TRIT1: variants seen among roughly 807,000 people sequenced by gnomAD.
TRIT1 encodes tRNA isopentenyltransferase 1.
In TRIT1, 43 loss-of-function variants were observed where a neutral mutation model predicts 51.2. That is an observed-to-expected ratio of 0.84 (90% confidence interval 0.66 to 1.08). The LOEUF is 1.08. Ranked by LOEUF, TRIT1 falls within the 50% of genes least tolerant of loss-of-function variation. The pLI is 0.00. For synonymous variants in TRIT1, 184 were observed against 203.9 expected (o/e 0.90, Z 0.83); for missense variants, 528 against 578.4 (o/e 0.91, Z 0.89).
At chr1:39,853,524 T>C (rs975320349) in intron 3 of TRIT1, among the ~76,000 whole-genome samples, 1 of 152,070 alleles carries the variant, frequency 6.6e-6, no homozygotes, top group African/African-American at 2.4e-5. Context: ...GCCTCCCTAG[T>C]AGCTGGGATT....
chr1:39,845,387 C>A (rs1198431082), intron 8 of TRIT1, among the ~76,000 whole-genome samples: 1 of 152,232 alleles, frequency 6.6e-6, no homozygotes, highest in Non-Finnish European at 1.5e-5. Context: ...TATATACACA[C>A]TAAACTGCCT....
intron 1 of TRIT1, among the ~76,000 whole-genome samples, chr1:39,870,457 T>C (rs1011387242): frequency 3.5e-5 from 5 of 143,540 alleles, no homozygotes; most frequent in African/African-American, 1.3e-4. Flanking sequence ...ACTATTGTCC[T>C]ATGACCCTGC....
At chr1:39,850,721 T>C (rs1642511753) in intron 4 of TRIT1, among the ~76,000 whole-genome samples, 1 of 152,190 alleles carries the variant, frequency 6.6e-6, no homozygotes, top group African/African-American at 2.4e-5. Flanking sequence ...AACAGAATGG[T>C]ACTCACTCAC....
intron 2 of TRIT1, among the ~76,000 whole-genome samples, chr1:39,855,787 A>T (rs1187329862): frequency 6.6e-6 from 1 of 152,160 alleles, no homozygotes; most frequent in East Asian, 1.9e-4. Flanking sequence ...AAAAGGTTTA[A>T]CTTATTTGTG....
chr1:39,875,481 C>A (rs1336220611), intron 1 of TRIT1, among the ~76,000 whole-genome samples: 1 of 151,532 alleles, frequency 6.6e-6, no homozygotes, highest in Non-Finnish European at 1.5e-5. Context: ...GAGCGAGACT[C>A]TGTCTTGAAA....
At chr1:39,866,042 AAAAAG>A (rs1163971361) in intron 1 of TRIT1, among the ~76,000 whole-genome samples, 9 of 144,262 alleles carry the variant, frequency 6.2e-5, no homozygotes, top group African/African-American at 1.7e-4. Context: ...AAAAGAAAAG[AAAAAG>A]AAAAGAAAGG....
At chr1:39,865,113 T>C (rs1643463379) in intron 1 of TRIT1, among the ~76,000 whole-genome samples, 1 of 152,188 alleles carries the variant, frequency 6.6e-6, no homozygotes, top group Admixed American at 6.5e-5. Flanking sequence ...GACTGCCAAA[T>C]ATAACACTTT....
intron 1 of TRIT1, 144 bp from the exon 2 acceptor site, chr1:39,857,561 A>G (rs770427182): frequency 6.0e-5 from 50 of 833,242 alleles, no homozygotes; most frequent in Non-Finnish European, 8.8e-5. Context: ...TCTAACAAAC[A>G]GCACAGCCAG....
chr1:39,841,624 G>T lies in TRIT1; in HGVS notation c.*120C>A. On this transcript the variant is annotated 3_prime_UTR_variant, in exon 11 of 11. Coordinates refer to ENST00000316891, the MANE Select transcript of TRIT1 (RefSeq NM_017646.6). ...ACCACATCAAAAGAAAATGGTGGGA[G>T]CTTTTCTGCTATGCAGAGAATTCCG... 2 of 1,015,028 alleles carry T rather than the reference G, an allele frequency of 2.0e-6. No homozygotes were observed. The highest frequency in any genetic ancestry group is 2.8e-6 in the Non-Finnish European group (2 of 720,750). The allele number at this position is 1,015,028 out of a possible 1,614,324, so 62.9% of individuals were successfully genotyped here.
chr1:39,861,225 G>A lies in TRIT1; in HGVS notation c.175-3808C>T, dbSNP rs72666952. 9.0e-3 allele frequency among the ~76,000 whole-genome samples: 1,363 copies of A among 152,232 alleles called. 20 individuals are homozygous for A. The highest frequency in any genetic ancestry group is 0.031 in the African/African-American group (1,281 of 41,534). ...GCATGTAAGATGATGCAGCTATTAC[G>A]GAAAACAATATGGCAGTTTCGGGAA... On this transcript the variant is annotated intron_variant, in intron 1 of 10. Transcript: ENST00000316891.
intron 1 of TRIT1, 37 bp downstream of exon 1, chr1:39,883,281 G>C: frequency 6.3e-7 from 1 of 1,578,422 alleles, no homozygotes; most frequent in Non-Finnish European, 8.6e-7. Flanking sequence ...GCGGCCTCCG[G>C]GGTCCCCAGG....
chr1:39,882,393 T>C (rs1165721047), intron 1 of TRIT1, among the ~76,000 whole-genome samples: 1 of 152,232 alleles, frequency 6.6e-6, no homozygotes, highest in Non-Finnish European at 1.5e-5. Flanking sequence ...AGGCATTTCA[T>C]GTTCAACATC....
At chr1:39,848,144 T>C in intron 5 of TRIT1, 47 bp from the exon 6 acceptor site, 6 of 1,396,364 alleles carry the variant, frequency 4.3e-6, no homozygotes, top group Non-Finnish European at 5.1e-6. Context: ...TGTAGGTACC[T>C]ACTATATACT....
At chr1:39,876,530 ATC>A (rs1491365872) in intron 1 of TRIT1, among the ~76,000 whole-genome samples, 18,576 of 126,362 alleles carry the variant, frequency 0.15, 2,506 homozygotes, top group African/African-American at 0.4. Context: ...TTATATGTGT[ATC>A]TATCTATCTA....
chr1:39,859,852 A>C (rs933480602), intron 1 of TRIT1, among the ~76,000 whole-genome samples: 9 of 152,214 alleles, frequency 5.9e-5, no homozygotes, highest in Admixed American at 5.2e-4. Context: ...TGTCAAATGC[A>C]TAGCTGCAAA....
chr1:39,855,227 T>G (rs907060050), intron 2 of TRIT1, among the ~76,000 whole-genome samples: 1 of 152,230 alleles, frequency 6.6e-6, no homozygotes, highest in African/African-American at 2.4e-5. Flanking sequence ...CCAGCCAATC[T>G]GCAGGCATAG....
At chr1:39,878,287 C>T (rs1035893907) in intron 1 of TRIT1, among the ~76,000 whole-genome samples, 1 of 152,206 alleles carries the variant, frequency 6.6e-6, no homozygotes, top group Non-Finnish European at 1.5e-5. Flanking sequence ...GAAATGATCA[C>T]CATAGACACA....
intron 1 of TRIT1, among the ~76,000 whole-genome samples, chr1:39,877,597 T>C (rs1644114885): frequency 6.6e-6 from 1 of 152,240 alleles, no homozygotes; most frequent in Admixed American, 6.5e-5. Context: ...GTTGGTAGTT[T>C]GTATTTCCAG....
At position 39,841,625 on chromosome 1, in the gene TRIT1, CT is replaced by C. The variant is rs1641906794; in HGVS notation, c.*118del. 4 of 1,044,266 alleles carry C rather than the reference CT, an allele frequency of 3.8e-6. No homozygotes were observed. Among genetic ancestry groups the C allele is most frequent in the Admixed American group, 5.5e-5 (2 of 36,398 alleles). The allele number at this position is 1,044,266 out of a possible 1,614,324, so 64.7% of individuals were successfully genotyped here. Reference sequence around the variant, plus strand: ...CCACATCAAAAGAAAATGGTGGGAGCTTTTCTGCTATGCAGAGAATTCCGCA... The same window carrying C: ...CCACATCAAAAGAAAATGGTGGGAGCTTTCTGCTATGCAGAGAATTCCGCA... On this transcript the variant is annotated 3_prime_UTR_variant, in exon 11 of 11. Transcript: ENST00000316891.
Sources: allele counts gnomAD v4.1 joint callset (sites outside exome capture counted in the v4.1 genomes callset), GRCh38; gene constraint gnomAD v4.1.1; transcripts MANE v1.5; gene names NCBI Gene and HGNC (gene_info 2026-07-23, HGNC 2026-07-21).